MACROD2: variants seen among roughly 807,000 people sequenced by gnomAD.
MACROD2 encodes ADP-ribose glycohydrolase MACROD2.
A neutral mutation model predicts 70.4 loss-of-function variants in MACROD2; 36 were observed. The ratio of observed to expected loss-of-function variants is 0.51; its 90% CI spans 0.39 to 0.68. MACROD2 has a LOEUF of 0.68. Among genes scored for constraint, MACROD2 ranks in the 30% least tolerant of loss-of-function variants. The pLI is 0.00. For synonymous variants in MACROD2, 172 were observed against 178.8 expected (o/e 0.96, Z 0.30); for missense variants, 496 against 538.4 (o/e 0.92, Z 0.78).
chr20:14,858,606 C>T (rs1568836667), intron 5 of MACROD2, among the ~76,000 whole-genome samples: 1 of 152,116 alleles, frequency 6.6e-6, no homozygotes, highest in African/African-American at 2.4e-5. Flanking sequence ...AAGATTTTGA[C>T]TTCTACCTAC....
At chr20:14,476,652 C>A (rs959756686) in intron 3 of MACROD2, among the ~76,000 whole-genome samples, 1 of 152,162 alleles carries the variant, frequency 6.6e-6, no homozygotes, top group Non-Finnish European at 1.5e-5. Context: ...CCACCATGCC[C>A]GGCGTATTAC....
chr20:15,848,580 T>C (rs183137181), intron 8 of MACROD2, among the ~76,000 whole-genome samples: 1 of 152,278 alleles, frequency 6.6e-6, no homozygotes, highest in Admixed American at 6.5e-5. Context: ...CATATAAACA[T>C]TTGAAAAGCA....
At chr20:15,087,882 A>AC (rs1401118080) in intron 5 of MACROD2, among the ~76,000 whole-genome samples, 1 of 152,026 alleles carries the variant, frequency 6.6e-6, no homozygotes, top group Non-Finnish European at 1.5e-5. Context: ...AGAAGAAAAA[A>AC]ATTTTAAATG....
At chr20:14,124,735 G>C (rs1297403004) in intron 3 of MACROD2, among the ~76,000 whole-genome samples, 1 of 152,082 alleles carries the variant, frequency 6.6e-6, no homozygotes, top group Non-Finnish European at 1.5e-5. Context: ...AAAACATTTT[G>C]GGGATTCCTC....
intron 8 of MACROD2, among the ~76,000 whole-genome samples, chr20:15,761,751 T>C (rs762136449): frequency 5.3e-5 from 8 of 152,214 alleles, no homozygotes; most frequent in Non-Finnish European, 1.2e-4. Flanking sequence ...GGCCAACCGC[T>C]CAATCACTAA....
intron 5 of MACROD2, among the ~76,000 whole-genome samples, chr20:14,712,004 T>C (rs2071344699): frequency 6.6e-6 from 1 of 152,104 alleles, no homozygotes; most frequent in Non-Finnish European, 1.5e-5. Flanking sequence ...TTAATGAAAC[T>C]AGAAAAGAAA....
chr20:15,548,904 C>G (rs1600573096), intron 8 of MACROD2, among the ~76,000 whole-genome samples: 1 of 152,278 alleles, frequency 6.6e-6, no homozygotes, highest in East Asian at 1.9e-4. Flanking sequence ...GAGCTCCCAG[C>G]CAATAGCCAG....
intron 5 of MACROD2, among the ~76,000 whole-genome samples, chr20:14,701,832 A>T (rs1721417597): frequency 6.6e-6 from 1 of 152,178 alleles, no homozygotes; most frequent in Non-Finnish European, 1.5e-5. Flanking sequence ...CACTGTTCAG[A>T]TACTTCTGCA....
chr20:15,986,581 T>TAAA, intron 13 of MACROD2, 146 bp from the exon 14 acceptor site: 1 of 536,378 alleles, frequency 1.9e-6, no homozygotes. Flanking sequence ...ATCTGATGAT[T>TAAA]AGAAAAATTG....
intron 3 of MACROD2, among the ~76,000 whole-genome samples, chr20:14,102,474 A>G (rs2054314010): frequency 6.6e-6 from 1 of 152,172 alleles, no homozygotes; most frequent in Non-Finnish European, 1.5e-5. Flanking sequence ...ATAGAATGAT[A>G]CTGTTAAAGT....
intron 2 of MACROD2, among the ~76,000 whole-genome samples, chr20:14,021,977 G>A (rs1444850727): frequency 6.6e-6 from 1 of 152,144 alleles, no homozygotes; most frequent in Non-Finnish European, 1.5e-5. Flanking sequence ...GAAGTACAAT[G>A]GTACACCTGT....
At position 15,193,199 on chromosome 20, in the gene MACROD2, T is replaced by G. The variant is rs146752825; in HGVS notation, c.419-36741T>G. Among the ~76,000 whole-genome samples, 154 of 152,354 alleles carry G rather than the reference T, an allele frequency of 1.0e-3. 1 individual carries two copies. The highest frequency in any genetic ancestry group is 3.4e-3 in the Middle Eastern group (1 of 294). ...TCTTTATCTTGTTTTCTTATAAGTT[T>G]TCTGAGTCTATAGAAATATGTATTA... is the stretch of plus-strand genomic sequence containing the variant. On this transcript the variant is annotated intron_variant, in intron 5 of 17. Transcript: ENST00000684519.
At chr20:14,044,209 G>A (rs755467868) in intron 2 of MACROD2, among the ~76,000 whole-genome samples, 4 of 151,854 alleles carry the variant, frequency 2.6e-5, no homozygotes, top group South Asian at 2.1e-4. Context: ...GCAGACTTTC[G>A]CGGTGAGTGT....
intron 5 of MACROD2, among the ~76,000 whole-genome samples, chr20:15,127,870 G>C: frequency 6.6e-6 from 1 of 151,916 alleles, no homozygotes; most frequent in East Asian, 1.9e-4. Flanking sequence ...GATAATTAGG[G>C]GTCATCTTAG....
At chr20:15,220,930 T>C (rs1260609370) in intron 5 of MACROD2, among the ~76,000 whole-genome samples, 3 of 152,142 alleles carry the variant, frequency 2.0e-5, no homozygotes, top group Non-Finnish European at 2.9e-5. Context: ...GAGTGGATGA[T>C]TGCAGAAGAG....
chr20:15,648,077 A>G (rs2049580770), intron 8 of MACROD2, among the ~76,000 whole-genome samples: 1 of 152,152 alleles, frequency 6.6e-6, no homozygotes, highest in Admixed American at 6.6e-5. Context: ...GTGTCTATAG[A>G]TTGTTCTCAA....
chr20:15,260,723 C>G (rs959167715), intron 6 of MACROD2, among the ~76,000 whole-genome samples: 4 of 151,974 alleles, frequency 2.6e-5, no homozygotes, highest in Admixed American at 2.0e-4. Flanking sequence ...AGCTTACATT[C>G]CCTCACAACA....
At chr20:15,546,025 T>C (rs1251022014) in intron 8 of MACROD2, among the ~76,000 whole-genome samples, 2 of 152,136 alleles carry the variant, frequency 1.3e-5, no homozygotes, top group Non-Finnish European at 2.9e-5. Flanking sequence ...GAGGACAAGG[T>C]GGATCACCTG....
chr20:15,507,041 C>T (rs141944912), intron 8 of MACROD2, among the ~76,000 whole-genome samples: 91 of 152,152 alleles, frequency 6.0e-4, no homozygotes, highest in African/African-American at 1.9e-3. Context: ...AATATGCTGC[C>T]GTAAAAACGT....
Sources: allele counts gnomAD v4.1 joint callset (sites outside exome capture counted in the v4.1 genomes callset), GRCh38; gene constraint gnomAD v4.1.1; transcripts MANE v1.5; gene names NCBI Gene and HGNC (gene_info 2026-07-23, HGNC 2026-07-21).